The following DGCR2 variants were observed in gnomAD, a reference collection of about 807,000 sequenced individuals.
DGCR2 encodes the protein DiGeorge syndrome critical region gene 2, also known as integral membrane protein DGCR2/IDD.
In DGCR2, 24 loss-of-function variants were observed where a neutral mutation model predicts 51.6. That is an observed-to-expected ratio of 0.47 (90% CI 0.34 to 0.65). DGCR2 has a LOEUF of 0.65. Ranked by LOEUF, DGCR2 falls within the 30% of genes least tolerant of loss-of-function variation. The pLI is 0.01. For synonymous variants in DGCR2, 340 were observed against 315.4 expected (o/e 1.08, Z -0.82); for missense variants, 765 against 772.1 (o/e 0.99, Z 0.11).
intron 6 of DGCR2, among the ~76,000 whole-genome samples, chr22:19,049,820 C>CT (rs1806140905): frequency 8.1e-6 from 1 of 123,008 alleles, no homozygotes; most frequent in African/African-American, 3.5e-5. Context: ...GCATGAGACT[C>CT]TGTCTCAAAA....
At chr22:19,104,884 C>T (rs1228317768) in intron 1 of DGCR2, among the ~76,000 whole-genome samples, 1 of 150,560 alleles carries the variant, frequency 6.6e-6, no homozygotes, top group Non-Finnish European at 1.5e-5. Context: ...CACTTCAAAG[C>T]AGCAGCAGCA....
chr22:19,065,154 C>G, intron 3 of DGCR2, 87 bp from the exon 4 acceptor site: 1 of 1,150,454 alleles, frequency 8.7e-7, no homozygotes, highest in South Asian at 1.4e-5. Flanking sequence ...ACAGGCACAC[C>G]TTGTAAATCA....
chr22:19,066,157 T>C (rs1404968861), intron 3 of DGCR2, among the ~76,000 whole-genome samples: 1 of 152,160 alleles, frequency 6.6e-6, no homozygotes, highest in African/African-American at 2.4e-5. Flanking sequence ...TCCAGCACTT[T>C]GGGAGGCCGA....
At chr22:19,069,986 T>C (rs555445639) in intron 2 of DGCR2, among the ~76,000 whole-genome samples, 1 of 152,300 alleles carries the variant, frequency 6.6e-6, no homozygotes, top group Non-Finnish European at 1.5e-5. Context: ...AGAGGTGTCT[T>C]TGGGGTACTT....
At chr22:19,077,773 T>C (rs944390030) in intron 2 of DGCR2, among the ~76,000 whole-genome samples, 10 of 152,120 alleles carry the variant, frequency 6.6e-5, no homozygotes, top group African/African-American at 1.9e-4. Context: ...CTTTAGGTAA[T>C]AGTCACATCT....
intron 2 of DGCR2, among the ~76,000 whole-genome samples, chr22:19,087,686 T>TC (rs948558222): frequency 6.6e-6 from 1 of 151,402 alleles, no homozygotes; most frequent in African/African-American, 2.4e-5. Flanking sequence ...GGCTTTTTTT[T>TC]TTTTTTTTTT....
intron 1 of DGCR2, among the ~76,000 whole-genome samples, chr22:19,106,092 G>A (rs1471748666): frequency 6.6e-6 from 1 of 152,048 alleles, no homozygotes; most frequent in Non-Finnish European, 1.5e-5. Context: ...GATCCGTTGC[G>A]AGACAAACAG....
chr22:19,043,042 G>A (rs535515113), intron 7 of DGCR2, among the ~76,000 whole-genome samples: 2 of 152,312 alleles, frequency 1.3e-5, no homozygotes, highest in East Asian at 3.9e-4. Flanking sequence ...CCAAGCGCAG[G>A]TGTAGGAGGG....
intron 1 of DGCR2, among the ~76,000 whole-genome samples, chr22:19,102,937 T>A (rs925553952): frequency 3.9e-5 from 6 of 151,916 alleles, no homozygotes; most frequent in African/African-American, 1.5e-4. Flanking sequence ...GCCCAGGAGG[T>A]CAGGGCTGCA....
rs117022455 is a variant in DGCR2 at position 19,053,527 on chromosome 22, G to A, written c.802+3459C>T. On this transcript the variant is annotated intron_variant, in intron 6 of 9. Transcript: ENST00000263196. ...AAACCCCAAGCCCAGCCCAACTCTC[G>A]CCCAGATCAACGCCCTGCACTGTAC... Among the ~76,000 whole-genome samples, 171 of 152,124 alleles carry A rather than the reference G, an allele frequency of 1.1e-3. 1 individual carries two copies. Among genetic ancestry groups the A allele is most frequent in the East Asian group, 6.2e-3 (32 of 5,178 alleles).
intron 1 of DGCR2, among the ~76,000 whole-genome samples, chr22:19,099,149 G>C (rs1263552565): frequency 1.3e-5 from 2 of 152,200 alleles, no homozygotes. Context: ...GTGCCAGGCA[G>C]TTCTCCAGGT....
intron 1 of DGCR2, among the ~76,000 whole-genome samples, chr22:19,111,404 C>CA (rs1259160402): frequency 5.3e-5 from 8 of 152,202 alleles, no homozygotes; most frequent in African/African-American, 1.9e-4. Context: ...ACAGCTCTTT[C>CA]ATCAGCTTTT....
Position 19,068,174 on chromosome 22 carries a change from C to A in DGCR2, c.254G>T (p.Arg85Leu). The change falls in exon 3 of 10, where the codon CGG becomes CTG. Residue 85 changes from arginine (R) to leucine (L), a missense_variant. Arg to Leu is a moderately radical substitution (Grantham distance 102). This residue lies in a region of DGCR2 where 370 missense variants were observed against 325.5 expected (regional missense o/e 1.14). Coordinates refer to ENST00000263196, the MANE Select transcript of DGCR2 (RefSeq NM_005137.3). ...GTCGCCTCCTCTGGCCCGCCCCTGCCGCGGATCCACAGCCTCCTTCCCATG... is the reference window on the plus strand; with the variant it reads ...GTCGCCTCCTCTGGCCCGCCCCTGCAGCGGATCCACAGCCTCCTTCCCATG... ...PHHGKEAVDP[R>L]QGRARGGDPS... The A allele has an allele frequency of 6.2e-7, 1 of 1,611,482 alleles. No homozygotes were observed. The highest frequency in any genetic ancestry group is 8.5e-7 in the Non-Finnish European group (1 of 1,179,138).
intron 6 of DGCR2, among the ~76,000 whole-genome samples, chr22:19,054,540 C>T (rs932154372): frequency 6.6e-6 from 1 of 152,232 alleles, no homozygotes; most frequent in East Asian, 1.9e-4. Flanking sequence ...ATTTAGAGAA[C>T]AGTAAAATAA....
chr22:19,088,206 C>G (rs1484196728), intron 2 of DGCR2, among the ~76,000 whole-genome samples: 1 of 152,210 alleles, frequency 6.6e-6, no homozygotes, highest in Non-Finnish European at 1.5e-5. Flanking sequence ...AGAAAGGTCT[C>G]TGCCCCCTGG....
Position 19,039,107 on chromosome 22 carries a change from C to G in DGCR2, c.1411G>C (p.Glu471Gln). 6.2e-7 allele frequency: 1 copy of G among 1,613,062 alleles called. No individual in the cohort carries two copies. Among genetic ancestry groups the G allele is most frequent in the Middle Eastern group, 1.7e-4 (1 of 6,038 alleles). ...GCTGGCAGGCTGACCTCCACAGGCT[C>G]AAAAGCATCATCGTCTGCAGGAAGA... Reference protein sequence around the residue: ...FYDPADDDAFEPVEVSLPAPG... With the variant: ...FYDPADDDAFQPVEVSLPAPG... Residue 471 changes from glutamate to glutamine, a missense_variant, in exon 10 of 10, where the codon GAG (glutamate) becomes CAG (glutamine). Glu to Gln is a conservative substitution (Grantham distance 29). This residue lies in a region of DGCR2 where 205 missense variants were observed against 181.4 expected (regional missense o/e 1.13). Transcript: ENST00000263196.
chr22:19,052,388 C>T (rs1368400163), intron 6 of DGCR2, among the ~76,000 whole-genome samples: 1 of 151,028 alleles, frequency 6.6e-6, no homozygotes, highest in African/African-American at 2.4e-5. Flanking sequence ...TGCACTCCAG[C>T]CTGGGCAACA....
At chr22:19,039,164 T>A (rs1356166469) in intron 9 of DGCR2, 43 bp from the exon 10 acceptor site, 1 of 1,607,446 alleles carries the variant, frequency 6.2e-7, no homozygotes, top group African/African-American at 1.3e-5. Context: ...GGTACGGGCC[T>A]GGCACAGGGG....
chr22:19,051,651 G>A (rs1285095901), intron 6 of DGCR2, among the ~76,000 whole-genome samples: 1 of 152,164 alleles, frequency 6.6e-6, no homozygotes, highest in South Asian at 2.1e-4. Context: ...GCCTGAGCCC[G>A]GGAGCTGGAG....
Sources: allele counts gnomAD v4.1 joint callset (sites outside exome capture counted in the v4.1 genomes callset), GRCh38; gene constraint gnomAD v4.1.1; regional missense constraint gnomAD v4.1.1; transcripts MANE v1.5; gene names NCBI Gene and HGNC (gene_info 2026-07-23, HGNC 2026-07-21).